SOAT2: variants seen among roughly 807,000 people sequenced by gnomAD.
SOAT2 encodes sterol O-acyltransferase 2, also known as ACAT-2.
A neutral mutation model predicts 76.0 loss-of-function variants in SOAT2; 87 were observed. The ratio of observed to expected loss-of-function variants is 1.14; its 90% CI spans 0.96 to 1.37. The LOEUF is 1.37. Ranked by LOEUF, SOAT2 falls within the 40% of genes most tolerant of loss-of-function variation. The probability of loss-of-function intolerance (pLI) is 0.00; values close to 1 mark genes in which losing one functional copy is unlikely to be tolerated. For synonymous variants in SOAT2, 285 were observed against 275.4 expected (o/e 1.03, Z -0.34); for missense variants, 686 against 682.1 (o/e 1.01, Z -0.06).
intron 5 of SOAT2, among the ~76,000 whole-genome samples, chr12:53,112,254 GAC>G (rs1343384243): frequency 4.6e-5 from 7 of 152,142 alleles, no homozygotes; most frequent in Non-Finnish European, 1.0e-4. Context: ...TGCTCAAAAA[GAC>G]AAGGTCCTGG....
At position 53,103,648 on chromosome 12, in the gene SOAT2, C is replaced by T; in HGVS notation, c.71C>T (p.Pro24Leu). The change falls in exon 1 of 15, where the codon CCC becomes CTC. Residue 24 changes from proline to leucine, a missense_variant. Transcript: ENST00000301466. ...CTGGGAGGGGAGCGGGAGCGCCAAC[C>T]CTGTGGAGATGGTGAGCCGCCCTCG... is the stretch of plus-strand genomic sequence containing the variant. ...EGLGGERERQ[P>L]CGDGNTETHR... 2.6e-6 allele frequency: 4 copies of T among 1,535,196 alleles called. No individual in the cohort carries two copies. Among genetic ancestry groups the T allele is most frequent in the Non-Finnish European group, 3.5e-6 (4 of 1,142,366 alleles).
At chr12:53,112,661 A>G (rs1435235252) in intron 5 of SOAT2, among the ~76,000 whole-genome samples, 5 of 151,690 alleles carry the variant, frequency 3.3e-5, no homozygotes, top group Non-Finnish European at 5.9e-5. Context: ...CACATCTTGG[A>G]TGTTATCTTT....
intron 5 of SOAT2, among the ~76,000 whole-genome samples, chr12:53,114,589 T>C (rs559005615): frequency 6.0e-5 from 9 of 150,166 alleles, no homozygotes; most frequent in Non-Finnish European, 1.2e-4. Context: ...GTCGTGGTGG[T>C]GCAAGCCTGT....
Position 53,116,118 on chromosome 12 carries a change from T to C in SOAT2, c.730T>C (p.Tyr244His). 6.2e-7 allele frequency: 1 copy of C among 1,614,202 alleles called. No individual in the cohort carries two copies. The highest frequency in any genetic ancestry group is 8.5e-7 in the Non-Finnish European group (1 of 1,180,004). Residue 244 changes from tyrosine (Y) to histidine (H), a missense_variant, in exon 7 of 15, where the codon TAC becomes CAC. Transcript: ENST00000301466. The part of the protein sequence containing the change: ...FEQVRFLMKS[Y>H]SFLREAVPGT... ...ACAGGTTAGGTTCCTGATGAAAAGC[T>C]ACTCCTTCCTGAGAGAGGCTGTGCC...
intron 6 of SOAT2, 87 bp downstream of exon 6, chr12:53,115,741 G>A: frequency 7.1e-7 from 1 of 1,400,646 alleles, no homozygotes; most frequent in Non-Finnish European, 9.3e-7. Context: ...AGAGGGGGCG[G>A]GGCCCACGAG....
At chr12:53,123,342 G>A (rs1464411261) in intron 13 of SOAT2, 126 bp downstream of exon 13, 2 of 1,210,314 alleles carry the variant, frequency 1.7e-6, no homozygotes, top group East Asian at 2.3e-5. Flanking sequence ...TGCTGAGACT[G>A]AGAGGTGGAG....
intron 10 of SOAT2, 109 bp from the exon 11 acceptor site, chr12:53,120,677 G>A: frequency 2.9e-6 from 2 of 700,372 alleles, no homozygotes; most frequent in Non-Finnish European, 2.6e-6. Context: ...TGAATGGTAA[G>A]AGTTGGGGCC....
In SOAT2 at chr12:53,104,208, T is replaced by TGA. The variant is rs748135155; in HGVS notation, c.138+4_138+5dup. On this transcript the variant is annotated splice_region_variant and intron_variant, in intron 2 of 14. Coordinates refer to ENST00000301466, the MANE Select transcript of SOAT2 (RefSeq NM_003578.4). ...GTACAATGGACCCGACACATGGAGG[T>TGA]GAGGGATGTCAGAGGTCAGAGGTCA... The TGA allele has an allele frequency of 4.8e-5, 78 of 1,609,840 alleles. No individual in the cohort carries two copies. The African/African-American group carries it at 9.6e-4, about 20-fold the overall frequency.
chr12:53,104,976 AC>A (rs558600828), intron 2 of SOAT2, 130 bp from the exon 3 acceptor site: 1 of 841,674 alleles, frequency 1.2e-6, no homozygotes, highest in South Asian at 2.0e-5. Context: ...ATCCCTGCTG[AC>A]CCCCCAGGTT....
chr12:53,105,493 A>G, intron 3 of SOAT2, 68 bp from the exon 4 acceptor site: 1 of 1,472,534 alleles, frequency 6.8e-7, no homozygotes, highest in Non-Finnish European at 9.4e-7. Flanking sequence ...CCAAGTATTG[A>G]CCTTCTGCAT....
intron 5 of SOAT2, among the ~76,000 whole-genome samples, chr12:53,110,287 G>A (rs1213280250): frequency 6.6e-6 from 1 of 152,120 alleles, no homozygotes; most frequent in Admixed American, 6.5e-5. Context: ...TTATGTACTA[G>A]GTGTGGCGCC....
intron 4 of SOAT2, 116 bp downstream of exon 4, chr12:53,105,736 G>C: frequency 2.7e-6 from 3 of 1,120,366 alleles, no homozygotes; most frequent in Non-Finnish European, 3.9e-6. Context: ...ACTTGGAAAG[G>C]GTTTCTAAGG....
chr12:53,120,957 C>T, intron 11 of SOAT2, 74 bp downstream of exon 11: 1 of 1,139,478 alleles, frequency 8.8e-7, no homozygotes, highest in South Asian at 1.2e-5. Flanking sequence ...AAGATGGTAG[C>T]CAGGTTGGGT....
chr12:53,120,181 T>TA (rs1440223885), intron 10 of SOAT2, among the ~76,000 whole-genome samples: 2 of 151,748 alleles, frequency 1.3e-5, no homozygotes, highest in Admixed American at 6.6e-5. Context: ...ACAAAAAACT[T>TA]AAAAATAGCC....
At position 53,104,182 on chromosome 12, in the gene SOAT2, G is replaced by A. The variant is rs199572436; in HGVS notation, c.114G>A (p.Leu38=). Residue 38 remains leucine (L), a synonymous_variant, in exon 2 of 15, where the codon TTG becomes TTA. Coordinates refer to ENST00000301466, the MANE Select transcript of SOAT2 (RefSeq NM_003578.4). ...GNTETHRAPD[L]VQWTRHMEAV... is the part of the protein sequence containing the mutation. ...CTGAGACGCACAGAGCCCCGGACTT[G>A]GTACAATGGACCCGACACATGGAGG... is the stretch of plus-strand genomic sequence containing the variant. 3 of 1,612,934 alleles carry A rather than the reference G, an allele frequency of 1.9e-6. No individual in the cohort carries two copies. Among genetic ancestry groups the A allele is most frequent in the Non-Finnish European group, 2.5e-6 (3 of 1,179,288 alleles).
At chr12:53,107,213 C>G (rs1179358168) in intron 5 of SOAT2, among the ~76,000 whole-genome samples, 2 of 152,140 alleles carry the variant, frequency 1.3e-5, no homozygotes, top group Middle Eastern at 3.2e-3. Flanking sequence ...GAGTCGTAAT[C>G]TTTCTGGCTA....
rs1338020338 is a variant in SOAT2 at position 53,124,139 on chromosome 12, A to C, written c.*16A>C. 6 of 1,614,010 alleles carry C rather than the reference A, an allele frequency of 3.7e-6. No homozygotes were observed. Among genetic ancestry groups the C allele is most frequent in the Non-Finnish European group, 5.1e-6 (6 of 1,179,914 alleles). The stretch of plus-strand genomic sequence containing the variant: ...CCATACCTAGAGGTCGGGACAGACG[A>C]CGCTACCTGCCCAGACACCACCAAG... On this transcript the variant is annotated 3_prime_UTR_variant, in exon 15 of 15. Transcript: ENST00000301466.
At chr12:53,116,920 T>G (rs1938114076) in intron 7 of SOAT2, among the ~76,000 whole-genome samples, 1 of 151,576 alleles carries the variant, frequency 6.6e-6, no homozygotes, top group Non-Finnish European at 1.5e-5. Context: ...CTTGAACACT[T>G]AAAGACCATT....
At chr12:53,113,173 A>G (rs1055281545) in intron 5 of SOAT2, among the ~76,000 whole-genome samples, 2 of 152,354 alleles carry the variant, frequency 1.3e-5, no homozygotes, top group Admixed American at 1.3e-4. Context: ...GAGTGCACTC[A>G]GGCAAAACAG....
Sources: allele counts gnomAD v4.1 joint callset (sites outside exome capture counted in the v4.1 genomes callset), GRCh38; gene constraint gnomAD v4.1.1; transcripts MANE v1.5; gene names NCBI Gene and HGNC (gene_info 2026-07-23, HGNC 2026-07-21).